The following RANBP9 variants were observed in gnomAD, a reference collection of about 807,000 sequenced individuals.
RANBP9 encodes the protein ran-binding protein 9.
In RANBP9, 15 loss-of-function variants were observed where a neutral mutation model predicts 84.3. The ratio of observed to expected loss-of-function variants is 0.18; its 90% CI spans 0.12 to 0.27. The LOEUF (loss-of-function observed/expected upper bound fraction) is 0.27, where lower values mean the gene tolerates loss of function less well. RANBP9 is among the 10% of genes least tolerant of loss of function. The pLI is 1.00. For synonymous variants in RANBP9, 392 were observed against 349.6 expected, an observed-to-expected ratio of 1.12 and a Z score of -1.35; for missense variants, 809 against 912.8, an observed-to-expected ratio of 0.89 and a Z score of 1.46.
At chr6:13,665,557 A>G (rs1461820770) in intron 2 of RANBP9, among the ~76,000 whole-genome samples, 1 of 152,086 alleles carries the variant, frequency 6.6e-6, no homozygotes, top group Non-Finnish European at 1.5e-5. Context: ...AAACAATAAA[A>G]CCTCTGAAAC....
intron 1 of RANBP9, among the ~76,000 whole-genome samples, chr6:13,710,535 G>C (rs1472385514): frequency 1.3e-5 from 2 of 152,104 alleles, no homozygotes; most frequent in African/African-American, 4.8e-5. Context: ...TGTAAGAGGA[G>C]AACGCCTGAC....
chr6:13,660,269 GA>G (rs1765510001), intron 2 of RANBP9, among the ~76,000 whole-genome samples: 1 of 152,170 alleles, frequency 6.6e-6, no homozygotes, highest in Non-Finnish European at 1.5e-5. Context: ...AGCACTTTCA[GA>G]GACTGAAGCA....
At position 13,623,011 on chromosome 6, in the gene RANBP9, CAGTG is replaced by C. The variant is rs552330875; in HGVS notation, c.2060-523_2060-520del. The stretch of plus-strand genomic sequence containing the variant: ...GGTGGGGAGTAAGTGGTGGTGGTGA[CAGTG>C]AGAGAACATACAGCAGAGCCACCCC... On this transcript the variant is annotated intron_variant, in intron 13 of 13. Coordinates refer to ENST00000011619, the MANE Select transcript of RANBP9 (RefSeq NM_005493.3). Among the ~76,000 whole-genome samples, 212 of 152,152 alleles carry C rather than the reference CAGTG, an allele frequency of 1.4e-3. 2 individuals carry two copies. The highest frequency in any genetic ancestry group is 4.7e-3 in the African/African-American group (194 of 41,506).
intron 5 of RANBP9, among the ~76,000 whole-genome samples, chr6:13,647,737 A>G (rs1011087535): frequency 3.3e-5 from 5 of 152,114 alleles, no homozygotes; most frequent in African/African-American, 9.7e-5. Flanking sequence ...AATACTATAC[A>G]TTACTTCTGT....
At chr6:13,659,476 C>T (rs1038117780) in intron 2 of RANBP9, among the ~76,000 whole-genome samples, 1 of 152,106 alleles carries the variant, frequency 6.6e-6, no homozygotes, top group African/African-American at 2.4e-5. Flanking sequence ...AGTCTCCACA[C>T]AATACACAAG....
chr6:13,651,775 A>G (rs927744086), intron 5 of RANBP9, among the ~76,000 whole-genome samples: 5 of 151,936 alleles, frequency 3.3e-5, no homozygotes, highest in Admixed American at 2.0e-4. Flanking sequence ...AAAAGTCCAC[A>G]ATGTCTTTGT....
Position 13,642,415 on chromosome 6 carries a change from AAATT to A in RANBP9, c.1225+60_1225+63del, listed in dbSNP as rs368056701. The stretch of plus-strand genomic sequence containing the variant: ...TTAATTAAAAAAACAAAATTTCTAA[AAATT>A]AAAGTAACCAAATCTATAATCTGAA... On this transcript the variant is annotated intron_variant, in intron 7 of 13. Transcript: ENST00000011619. The A allele has an allele frequency of 6.2e-5, 60 of 964,404 alleles. No homozygotes were observed. In the South Asian group the frequency reaches 1.2e-3, roughly 20 times the overall value. 59.7% of individuals were successfully genotyped at this position (964,404 alleles called of 1,614,324 possible).
chr6:13,644,114 G>GA (rs1203693298), intron 6 of RANBP9, among the ~76,000 whole-genome samples: 1 of 152,096 alleles, frequency 6.6e-6, no homozygotes, highest in African/African-American at 2.4e-5. Flanking sequence ...CAGATATTAA[G>GA]AGCTTGGACA....
At chr6:13,691,868 T>C (rs1195978996) in intron 2 of RANBP9, among the ~76,000 whole-genome samples, 1 of 152,148 alleles carries the variant, frequency 6.6e-6, no homozygotes, top group Non-Finnish European at 1.5e-5. Flanking sequence ...GGTTTCACTA[T>C]GTTGGCCAAG....
Position 13,666,081 on chromosome 6 carries a change from G to C in RANBP9, c.684-7249C>G, listed in dbSNP as rs564288978. Reference sequence around the variant, plus strand: ...ATACACATCTGCAAAACTTATCAAAGAGTACACTTAAGATGTGTGCATTTC... The same window carrying C: ...ATACACATCTGCAAAACTTATCAAACAGTACACTTAAGATGTGTGCATTTC... On this transcript the variant is annotated intron_variant, in intron 2 of 13. Transcript: ENST00000011619. Among the ~76,000 whole-genome samples, 4 of 152,214 alleles carry C rather than the reference G, an allele frequency of 2.6e-5. No homozygotes were observed. The South Asian group carries it at 8.3e-4, about 32-fold the overall frequency.
intron 2 of RANBP9, 96 bp from the exon 3 acceptor site, chr6:13,658,928 C>A: frequency 8.0e-7 from 1 of 1,253,596 alleles, no homozygotes; most frequent in South Asian, 1.2e-5. Flanking sequence ...AGAACCAAGC[C>A]CAAGTTGGAA....
intron 7 of RANBP9, among the ~76,000 whole-genome samples, 165 bp downstream of exon 7, chr6:13,642,314 T>C (rs1765086626): frequency 6.6e-6 from 1 of 152,150 alleles, no homozygotes; most frequent in Non-Finnish European, 1.5e-5. Flanking sequence ...TGTGAATTTT[T>C]AAACTGATCT....
chr6:13,701,422 T>C (rs1757967202), intron 1 of RANBP9, among the ~76,000 whole-genome samples: 1 of 152,184 alleles, frequency 6.6e-6, no homozygotes, highest in Non-Finnish European at 1.5e-5. Context: ...TCATTTACTT[T>C]AAACTTTACA....
At chr6:13,710,412 C>T (rs968836724) in intron 1 of RANBP9, among the ~76,000 whole-genome samples, 2 of 152,100 alleles carry the variant, frequency 1.3e-5, no homozygotes, top group African/African-American at 4.8e-5. Flanking sequence ...GCCCCTTGTC[C>T]TTTTGTCCCC....
At chr6:13,638,301 G>C (rs1477193743) in intron 9 of RANBP9, among the ~76,000 whole-genome samples, 1 of 152,134 alleles carries the variant, frequency 6.6e-6, no homozygotes, top group Non-Finnish European at 1.5e-5. Flanking sequence ...AAGAGGAGTA[G>C]TGGCTAAGAA....
At position 13,622,373 on chromosome 6, in the gene RANBP9, A is replaced by G. The variant is rs763957474; in HGVS notation, c.2179T>C (p.Tyr727His). The change falls in exon 14 of 14, where the codon TAC becomes CAC. Residue 727 changes from tyrosine to histidine, a missense_variant. By Grantham distance (83) the Tyr-to-His change is moderately conservative. Transcript: ENST00000011619. Reference sequence around the variant, plus strand: ...CTTGAAATGCATAGCTAATGTAGGTAGTCTTCCACTGTGGCAAATGCGCAG... The same window carrying G: ...CTTGAAATGCATAGCTAATGTAGGTGGTCTTCCACTGTGGCAAATGCGCAG... Reference protein sequence around the residue: ...GSCAFATVEDYLH With the variant: ...GSCAFATVEDHLH The G allele has an allele frequency of 6.3e-6, 10 of 1,584,908 alleles. No individual in the cohort carries two copies. Among genetic ancestry groups the G allele is most frequent in the Admixed American group, 1.8e-5 (1 of 55,002 alleles).
At chr6:13,647,853 A>G (rs1011210555) in intron 5 of RANBP9, among the ~76,000 whole-genome samples, 1 of 152,210 alleles carries the variant, frequency 6.6e-6, no homozygotes, top group Non-Finnish European at 1.5e-5. Context: ...AAACTGGAGA[A>G]TTGGGAGAAG....
chr6:13,698,884 C>T (rs1757902768), intron 1 of RANBP9, among the ~76,000 whole-genome samples: 1 of 152,066 alleles, frequency 6.6e-6, no homozygotes, highest in African/African-American at 2.4e-5. Context: ...GAGCTCTGAA[C>T]CCACATGAAG....
chr6:13,677,205 G>A (rs561471654), intron 2 of RANBP9, among the ~76,000 whole-genome samples: 90 of 152,140 alleles, frequency 5.9e-4, no homozygotes, highest in Middle Eastern at 6.8e-3. Flanking sequence ...AATTTCCTAC[G>A]CACCAGCAAT....
Sources: gnomAD v4.1 joint callset for allele counts (sites outside exome capture counted in the v4.1 genomes callset) on GRCh38, gnomAD v4.1.1 for gene constraint, MANE v1.5 for transcripts, NCBI Gene and HGNC (gene_info 2026-07-23, HGNC 2026-07-21) for gene names.